Variants in TUSC3 observed in about 807,000 individuals in gnomAD.
TUSC3 encodes the protein dolichyl-diphosphooligosaccharide--protein glycosyltransferase subunit TUSC3.
In TUSC3, 45 loss-of-function variants were observed where a neutral mutation model predicts 44.8. The ratio of observed to expected loss-of-function variants is 1.00; its 90% CI spans 0.79 to 1.29. The LOEUF is 1.29. Ranked by LOEUF, TUSC3 falls within the 50% of genes most tolerant of loss-of-function variation. The pLI is 0.00. For synonymous variants in TUSC3, 212 were observed against 152.9 expected, an observed-to-expected ratio of 1.39 and a Z score of -2.85; for missense variants, 519 against 437.9, an observed-to-expected ratio of 1.19 and a Z score of -1.65.
chr8:15,649,219 C>T (rs895798440), intron 2 of TUSC3, among the ~76,000 whole-genome samples: 6 of 151,184 alleles, frequency 4.0e-5, no homozygotes, highest in Admixed American at 1.3e-4. Context: ...TGTTTTTTTT[C>T]GTTGCGGTGG....
chr8:15,456,482 G>C (rs545985384), intron 1 of TUSC3, among the ~76,000 whole-genome samples: 1 of 152,292 alleles, frequency 6.6e-6, no homozygotes, highest in East Asian at 1.9e-4. Context: ...TAAGAAAAGA[G>C]AGGAGGGCTT....
chr8:15,570,795 CTT>C (rs1336779968), intron 1 of TUSC3, among the ~76,000 whole-genome samples: 1 of 151,802 alleles, frequency 6.6e-6, no homozygotes, highest in African/African-American at 2.4e-5. Context: ...TTTAAGTACT[CTT>C]TTATCAGTGC....
chr8:15,840,169 C>A, the TUSC3 span, among the ~76,000 whole-genome samples: 669 of 152,058 alleles, frequency 4.4e-3, 5 homozygotes, highest in African/African-American at 0.015. Flanking sequence ...TAGGTGGGAA[C>A]TGAACAATGA....
At chr8:15,453,611 G>T (rs1046313781) in intron 1 of TUSC3, among the ~76,000 whole-genome samples, 12 of 151,138 alleles carry the variant, frequency 7.9e-5, no homozygotes, top group African/African-American at 2.7e-4. Context: ...ATAAATGCAT[G>T]AATTTGCTGA....
rs565074364 is a variant in TUSC3 at position 15,679,499 on chromosome 8, C to T, written c.798+5663C>T. ...TTCCTTATAGATTCTGGATATTAGT[C>T]CTTTATCAGATACATAGTTTGTATT... is the stretch of plus-strand genomic sequence containing the variant. On this transcript the variant is annotated intron_variant, in intron 6 of 10. Transcript: ENST00000503731. Among the ~76,000 whole-genome samples the T allele has an allele frequency of 4.6e-5, 7 of 152,092 alleles. No homozygotes were observed. The South Asian group carries it at 1.2e-3, about 27-fold the overall frequency.
At chr8:15,461,672 G>A (rs1800347357) in intron 1 of TUSC3, among the ~76,000 whole-genome samples, 1 of 151,316 alleles carries the variant, frequency 6.6e-6, no homozygotes, top group Admixed American at 6.6e-5. Context: ...CTGTGAGTTT[G>A]TCATAGATGG....
At chr8:15,817,609 C>G in the TUSC3 span, among the ~76,000 whole-genome samples, 1 of 151,860 alleles carries the variant, frequency 6.6e-6, no homozygotes, top group African/African-American at 2.4e-5. Context: ...CCCTCCACCT[C>G]TGCTCTGCAC....
intron 1 of TUSC3, among the ~76,000 whole-genome samples, chr8:15,438,131 G>A (rs932795234): frequency 7.9e-5 from 12 of 152,028 alleles, no homozygotes; most frequent in East Asian, 1.9e-4. Flanking sequence ...AGTTTCACTC[G>A]TTACCCAGGC....
intron 6 of TUSC3, among the ~76,000 whole-genome samples, chr8:15,697,638 G>A (rs1234465472): frequency 6.6e-6 from 1 of 152,150 alleles, no homozygotes; most frequent in Admixed American, 6.5e-5. Context: ...GAATGAATGA[G>A]CCAAAGGAAG....
intron 2 of TUSC3, among the ~76,000 whole-genome samples, chr8:15,522,370 T>C (rs1801310397): frequency 6.6e-6 from 1 of 152,100 alleles, no homozygotes; most frequent in Admixed American, 6.5e-5. Flanking sequence ...GTAGCTGGCA[T>C]TACAGGCCTG....
chr8:15,442,230 C>T (rs1800030164), intron 1 of TUSC3, among the ~76,000 whole-genome samples: 1 of 151,912 alleles, frequency 6.6e-6, no homozygotes, highest in Admixed American at 6.6e-5. Context: ...ACTACCTATA[C>T]TATTCATACC....
At chr8:15,845,239 T>C in the TUSC3 span, among the ~76,000 whole-genome samples, 1 of 152,130 alleles carries the variant, frequency 6.6e-6, no homozygotes, top group African/African-American at 2.4e-5. Flanking sequence ...TATTGCCTTA[T>C]GTTCTGCTCC....
At chr8:15,554,932 A>G (rs1323771766) in intron 1 of TUSC3, among the ~76,000 whole-genome samples, 1 of 151,186 alleles carries the variant, frequency 6.6e-6, no homozygotes, top group Non-Finnish European at 1.5e-5. Flanking sequence ...TTAAATAGCT[A>G]CTGTGGAAAT....
intron 2 of TUSC3, among the ~76,000 whole-genome samples, chr8:15,510,379 C>A (rs997669632): frequency 6.6e-6 from 1 of 152,048 alleles, no homozygotes; most frequent in African/African-American, 2.4e-5. Flanking sequence ...AGAGAGGGTA[C>A]AATTACCAAT....
intron 1 of TUSC3, among the ~76,000 whole-genome samples, chr8:15,590,379 C>A (rs974433746): frequency 5.3e-5 from 8 of 152,102 alleles, no homozygotes; most frequent in African/African-American, 1.7e-4. Context: ...AAGCTTTAGG[C>A]CATCATGCCT....
chr8:15,660,918 A>AC (rs1226539490), intron 4 of TUSC3, among the ~76,000 whole-genome samples: 2 of 151,386 alleles, frequency 1.3e-5, no homozygotes, highest in East Asian at 1.9e-4. Flanking sequence ...AAAAAAAAAA[A>AC]AAACCCATAA....
At chr8:15,672,596 C>A (rs1185477320) in intron 5 of TUSC3, among the ~76,000 whole-genome samples, 2 of 152,012 alleles carry the variant, frequency 1.3e-5, no homozygotes, top group Non-Finnish European at 2.9e-5. Flanking sequence ...AGGCAAGGTA[C>A]TTTAAACATA....
chr8:15,453,153 A>G lies in TUSC3; in HGVS notation n.92-30233A>G, dbSNP rs185375253. 5.3e-5 allele frequency among the ~76,000 whole-genome samples: 8 copies of G among 152,302 alleles called. No homozygotes were observed. In the East Asian group the frequency reaches 1.2e-3, roughly 22 times the overall value. On this transcript the variant is annotated intron_variant and non_coding_transcript_variant, in intron 1 of 5. Coordinates refer to the TUSC3 transcript ENST00000503191. ...TTTTGTAAAGGCCAACACACAGCTT[A>G]TACATGTGATTGCTCAGAAACTGCC...
At chr8:15,756,845 C>G (rs1563208439) in intron 9 of TUSC3, among the ~76,000 whole-genome samples, 1 of 152,140 alleles carries the variant, frequency 6.6e-6, no homozygotes, top group African/African-American at 2.4e-5. Context: ...AACTCGAGCT[C>G]TAAAGCTAAC....
Sources: gnomAD v4.1 joint callset for allele counts (sites outside exome capture counted in the v4.1 genomes callset) on GRCh38, gnomAD v4.1.1 for gene constraint, MANE v1.5 for transcripts, NCBI Gene and HGNC (gene_info 2026-07-23, HGNC 2026-07-21) for gene names.